The following PRKN variants were observed in gnomAD, a reference collection of about 807,000 sequenced individuals.
PRKN encodes the protein E3 ubiquitin-protein ligase parkin.
A neutral mutation model predicts 59.5 loss-of-function variants in PRKN; 56 were observed. The observed-to-expected ratio is 0.94, with a 90% CI of 0.76 to 1.18. PRKN has a LOEUF of 1.18. Among genes scored for constraint, PRKN ranks in the 50% most tolerant of loss-of-function variants. PRKN has a pLI of 0.00. For synonymous variants in PRKN, 250 were observed against 222.1 expected (o/e 1.13, Z -1.12); for missense variants, 657 against 596.4 (o/e 1.10, Z -1.06).
chr6:162,143,379 G>C (rs1781870983), intron 4 of PRKN, among the ~76,000 whole-genome samples: 1 of 152,076 alleles, frequency 6.6e-6, no homozygotes, highest in Admixed American at 6.6e-5. Context: ...ATGTGCCATA[G>C]AATGTCTTGG....
chr6:162,431,269 C>T (rs1480157069), intron 2 of PRKN, among the ~76,000 whole-genome samples: 4 of 139,770 alleles, frequency 2.9e-5, no homozygotes, highest in South Asian at 2.4e-4. Flanking sequence ...ATTGAGAATG[C>T]GGCAGAGAGA....
intron 6 of PRKN, among the ~76,000 whole-genome samples, chr6:161,859,900 C>T (rs1410260544): frequency 1.3e-5 from 2 of 151,956 alleles, no homozygotes; most frequent in East Asian, 1.9e-4. Flanking sequence ...GTGTAATTCC[C>T]CTGAGAAAAA....
At chr6:161,639,067 C>T (rs1417279025) in intron 7 of PRKN, among the ~76,000 whole-genome samples, 1 of 152,088 alleles carries the variant, frequency 6.6e-6, no homozygotes, top group African/African-American at 2.4e-5. Context: ...CCCCCTTTTG[C>T]TCGGCACTTC....
chr6:162,549,269 C>A (rs1779240232), intron 1 of PRKN, among the ~76,000 whole-genome samples: 1 of 152,084 alleles, frequency 6.6e-6, no homozygotes, highest in South Asian at 2.1e-4. Context: ...CAGCCTCCAG[C>A]AGTGTGAGAA....
At chr6:161,809,503 CA>C (rs560626398) in intron 6 of PRKN, among the ~76,000 whole-genome samples, 2 of 151,830 alleles carry the variant, frequency 1.3e-5, no homozygotes, top group East Asian at 1.9e-4. Context: ...AATAAAGCGA[CA>C]AAAAAAATAG....
At chr6:162,464,115 T>C (rs1439853931) in intron 1 of PRKN, among the ~76,000 whole-genome samples, 1 of 152,238 alleles carries the variant, frequency 6.6e-6, no homozygotes, top group Non-Finnish European at 1.5e-5. Flanking sequence ...CAAAAAATTC[T>C]AACAATTCTT....
intron 5 of PRKN, among the ~76,000 whole-genome samples, chr6:162,030,023 A>T (rs1387805158): frequency 6.6e-6 from 1 of 152,092 alleles, no homozygotes; most frequent in Non-Finnish European, 1.5e-5. Context: ...AAAAAATCGT[A>T]GAGATGGGCT....
At chr6:162,333,731 C>T (rs560281505) in intron 2 of PRKN, among the ~76,000 whole-genome samples, 12 of 151,872 alleles carry the variant, frequency 7.9e-5, no homozygotes, top group African/African-American at 2.9e-4. Flanking sequence ...AATGTTCAAG[C>T]GAAAGGCAGA....
chr6:162,322,236 T>G (rs918248841), intron 2 of PRKN, among the ~76,000 whole-genome samples: 6 of 152,032 alleles, frequency 3.9e-5, no homozygotes, highest in Non-Finnish European at 7.4e-5. Context: ...AAAATAAATT[T>G]ACAAACAGTT....
At chr6:162,644,308 A>G (rs1404136514) in intron 1 of PRKN, among the ~76,000 whole-genome samples, 4 of 152,290 alleles carry the variant, frequency 2.6e-5, no homozygotes, top group East Asian at 1.9e-4. Context: ...GAGCTGGAGA[A>G]GCACACACCA....
At chr6:162,020,526 C>T (rs1169755839) in intron 5 of PRKN, among the ~76,000 whole-genome samples, 4 of 152,022 alleles carry the variant, frequency 2.6e-5, no homozygotes, top group Non-Finnish European at 5.9e-5. Flanking sequence ...GCTAAACATA[C>T]ATATCTTGGT....
rs762756594 is a variant in PRKN, at chr6:161,842,652, CTTCCAGGG to C, written c.735-56752_735-56745del. Among the ~76,000 whole-genome samples, 600 of 152,168 alleles carry C rather than the reference CTTCCAGGG, an allele frequency of 3.9e-3. 5 individuals carry two copies. Among genetic ancestry groups the C allele is most frequent in the African/African-American group, 0.014 (575 of 41,542 alleles). On this transcript the variant is annotated intron_variant, in intron 6 of 11. Coordinates refer to ENST00000366898, the MANE Select transcript of PRKN (RefSeq NM_004562.3). The stretch of plus-strand genomic sequence containing the variant: ...CGATCTCAGCTCACTGCAACCACCA[CTTCCAGGG>C]TTCACACGATTCTCCTGCCTCAGCC...
chr6:161,715,154 T>C (rs1786921864), intron 7 of PRKN, among the ~76,000 whole-genome samples: 2 of 152,350 alleles, frequency 1.3e-5, no homozygotes, highest in African/African-American at 4.8e-5. Context: ...GACTTTTTTA[T>C]GGTTTTGCCT....
rs1784378491 is a variant in PRKN, at chr6:161,347,471, C to A, written c.*2628G>T. Reference sequence around the variant, plus strand: ...TACAATCTTAGAGTTGTCAGATAATCTCAACACACTTCAGAGAAAAACAGA... The same window carrying A: ...TACAATCTTAGAGTTGTCAGATAATATCAACACACTTCAGAGAAAAACAGA... On this transcript the variant is annotated 3_prime_UTR_variant, in exon 12 of 12. Transcript: ENST00000366898. 6.6e-6 allele frequency: 1 copy of A among 152,134 alleles called. No individual in the cohort carries two copies. The highest frequency in any genetic ancestry group is 1.9e-4 in the East Asian group (1 of 5,190). The allele number at this position is 152,134 out of a possible 1,614,324, so 9.4% of individuals were successfully genotyped here.
At chr6:161,464,665 A>G (rs947102109) in intron 9 of PRKN, among the ~76,000 whole-genome samples, 1 of 152,218 alleles carries the variant, frequency 6.6e-6, no homozygotes, top group African/African-American at 2.4e-5. Flanking sequence ...AATTTCTCAG[A>G]AAGTGTAAAC....
chr6:162,266,610 T>C (rs1780148638), intron 2 of PRKN: 1 of 152,188 alleles, frequency 6.6e-6, no homozygotes, highest in Non-Finnish European at 1.5e-5. Context: ...GGACACAGAA[T>C]TTAAAGTCAA....
chr6:161,913,758 T>C (rs976118715), intron 6 of PRKN, among the ~76,000 whole-genome samples: 1 of 152,224 alleles, frequency 6.6e-6, no homozygotes, highest in Non-Finnish European at 1.5e-5. Flanking sequence ...AATTCATATG[T>C]TGAAACCATT....
intron 2 of PRKN, among the ~76,000 whole-genome samples, chr6:162,384,622 A>G (rs1786683853): frequency 1.4e-5 from 2 of 146,712 alleles, no homozygotes; most frequent in Middle Eastern, 3.5e-3. Flanking sequence ...TGCTTGATAC[A>G]GGGTTGCCAC....
intron 1 of PRKN, among the ~76,000 whole-genome samples, chr6:162,650,323 C>T (rs1278418487): frequency 2.0e-5 from 3 of 151,966 alleles, no homozygotes; most frequent in Admixed American, 1.3e-4. Flanking sequence ...GCCGGCCGGG[C>T]GCGGTGGCTC....
Sources: gnomAD v4.1 joint callset for allele counts (sites outside exome capture counted in the v4.1 genomes callset) on GRCh38, gnomAD v4.1.1 for gene constraint, MANE v1.5 for transcripts, NCBI Gene and HGNC (gene_info 2026-07-23, HGNC 2026-07-21) for gene names.